Variants in ORC2 observed in about 807,000 individuals in gnomAD.
ORC2 encodes origin recognition complex protein 2 homolog.
ORC2 carries 37 observed loss-of-function variants against 77.7 expected under a neutral mutation model. That is an observed-to-expected ratio of 0.48 (90% confidence interval 0.37 to 0.63). ORC2 has a LOEUF of 0.63. ORC2 is among the 20% of genes least tolerant of loss of function. The pLI, the probability that ORC2 is intolerant of heterozygous loss-of-function variation, is 0.00. For missense variants in ORC2, 557 were observed against 661.9 expected (o/e 0.84, Z 1.74); for synonymous variants, 201 against 229.5 (o/e 0.88, Z 1.12).
chr2:200,948,765 T>C (rs1029399678), intron 5 of ORC2, among the ~76,000 whole-genome samples: 1 of 151,984 alleles, frequency 6.6e-6, no homozygotes, highest in African/African-American at 2.4e-5. Flanking sequence ...GGTTTTACCA[T>C]GTTAGCCAGG....
intron 4 of ORC2, among the ~76,000 whole-genome samples, chr2:200,950,573 G>C (rs898765765): frequency 6.6e-6 from 1 of 152,210 alleles, no homozygotes; most frequent in Non-Finnish European, 1.5e-5. Context: ...AGGTATGCCA[G>C]AGACGACATG....
intron 4 of ORC2, among the ~76,000 whole-genome samples, chr2:200,954,800 G>T (rs1171304434): frequency 6.6e-6 from 1 of 151,972 alleles, no homozygotes; most frequent in Non-Finnish European, 1.5e-5. Flanking sequence ...GTCTAAAAAG[G>T]CTAATTAGGG....
intron 6 of ORC2, among the ~76,000 whole-genome samples, chr2:200,941,812 C>T (rs936772690): frequency 6.6e-6 from 1 of 152,078 alleles, no homozygotes; most frequent in Non-Finnish European, 1.5e-5. Flanking sequence ...CAGGGTGAAA[C>T]CCCATTTCTA....
rs2041489611 is a variant in ORC2 at position 200,957,464 on chromosome 2, C to T, written c.175G>A (p.Glu59Lys). 1 of 1,611,104 alleles carries T rather than the reference C, an allele frequency of 6.2e-7. No homozygotes were observed. Residue 59 changes from glutamate (E) to lysine (K), a missense_variant, in exon 4 of 18, where the codon GAA (glutamate) becomes AAA (lysine). Coordinates refer to ENST00000234296, the MANE Select transcript of ORC2 (RefSeq NM_006190.5). ...TCTTTTAAGACCTCCTGGTCATCTT[C>T]CTCCAAATCATATTCTGGCTTCTTT... ...IIKKPEYDLE[E>K]DDQEVLKDQN...
chr2:200,913,277 AC>A lies in ORC2; in HGVS notation c.1647+17del. ...CGGACTATTCCTGGCATACAATGCT[AC>A]AATAGTGGAGTCTTACCTTCTTTGT... On this transcript the variant is annotated intron_variant, in intron 17 of 17. Transcript: ENST00000234296. 6.4e-7 allele frequency: 1 copy of A among 1,552,684 alleles called. No individual in the cohort carries two copies. Among genetic ancestry groups the A allele is most frequent in the South Asian group, 1.1e-5 (1 of 88,892 alleles).
intron 12 of ORC2, 129 bp from the exon 13 acceptor site, chr2:200,926,061 T>A: frequency 5.0e-6 from 2 of 400,320 alleles, no homozygotes; most frequent in African/African-American, 2.0e-5. Flanking sequence ...AAATAACTTT[T>A]AAAAATTCTA....
chr2:200,928,425 A>C (rs2124966638), intron 11 of ORC2, among the ~76,000 whole-genome samples: 1 of 152,298 alleles, frequency 6.6e-6, no homozygotes, highest in Middle Eastern at 3.4e-3. Flanking sequence ...CTGTATACCA[A>C]GCTTCTAGTT....
intron 10 of ORC2, among the ~76,000 whole-genome samples, chr2:200,932,174 A>T (rs1338343862): frequency 2.0e-5 from 3 of 151,902 alleles, no homozygotes; most frequent in African/African-American, 7.3e-5. Flanking sequence ...TAGGTAGTTA[A>T]AAAAAAACAA....
intron 4 of ORC2, among the ~76,000 whole-genome samples, chr2:200,953,024 A>T (rs1440209851): frequency 6.7e-6 from 1 of 150,130 alleles, no homozygotes; most frequent in Non-Finnish European, 1.5e-5. Flanking sequence ...AGGTGGGAGG[A>T]TCACCTGAGC....
At chr2:200,930,864 ATAATGT>A (rs2040927307) in intron 11 of ORC2, among the ~76,000 whole-genome samples, 2 of 152,340 alleles carry the variant, frequency 1.3e-5, no homozygotes, top group South Asian at 2.1e-4. Flanking sequence ...ATTCTAGGAA[ATAATGT>A]TAAAATAGTA....
intron 15 of ORC2, among the ~76,000 whole-genome samples, chr2:200,915,531 A>G (rs2040632658): frequency 6.6e-6 from 1 of 152,202 alleles, no homozygotes; most frequent in Non-Finnish European, 1.5e-5. Flanking sequence ...GAATTATTCC[A>G]TGGAAGAGTG....
chr2:200,942,449 G>C (rs1487227986), intron 6 of ORC2, among the ~76,000 whole-genome samples: 1 of 152,056 alleles, frequency 6.6e-6, no homozygotes, highest in Non-Finnish European at 1.5e-5. Flanking sequence ...GACTATTTCT[G>C]GTTAACCCTG....
At chr2:200,914,165 CT>C (rs1158874227) in intron 15 of ORC2, among the ~76,000 whole-genome samples, 173 bp from the exon 16 acceptor site, 3,705 of 134,786 alleles carry the variant, frequency 0.027, 93 homozygotes, top group African/African-American at 0.093. Flanking sequence ...TTTCTAATTT[CT>C]TTTTTTTTTT....
chr2:200,961,636 T>C (rs1481057835), intron 1 of ORC2, among the ~76,000 whole-genome samples: 1 of 152,246 alleles, frequency 6.6e-6, no homozygotes, highest in Non-Finnish European at 1.5e-5. Context: ...TCAAAGAGCA[T>C]GGCCAGAGTC....
At position 200,937,956 on chromosome 2, in the gene ORC2, T is replaced by C; in HGVS notation, c.464A>G (p.Lys155Arg). 3 of 1,596,156 alleles carry C rather than the reference T, an allele frequency of 1.9e-6. No individual in the cohort carries two copies. The highest frequency in any genetic ancestry group is 1.7e-6 in the Non-Finnish European group (2 of 1,165,378). Reference protein sequence around the residue: ...SDKVQPKNNDKSEFLSTAPRS... With the variant: ...SDKVQPKNNDRSEFLSTAPRS... ...AGGTGCTGTTGACAGAAATTCACTT[T>C]TGTCATTGTTCTGTTTAGAAATAGA... The change falls in exon 8 of 18, where the codon AAA becomes AGA. Residue 155 changes from lysine to arginine, a missense_variant. Transcript: ENST00000234296.
rs16836132 is a variant in ORC2 at position 200,941,752 on chromosome 2, C to A, written c.422-473G>T. ...CCGTAATCCCAGCACTTTGGGAGGC[C>A]AAGGCAGGAGGATCGCTTGAGGTCA... On this transcript the variant is annotated intron_variant, in intron 6 of 17. Transcript: ENST00000234296. 2.3e-3 allele frequency among the ~76,000 whole-genome samples: 355 copies of A among 152,110 alleles called. 2 individuals carry two copies. Among genetic ancestry groups the A allele is most frequent in the African/African-American group, 8.3e-3 (345 of 41,504 alleles).
chr2:200,955,803 G>A (rs910836907), intron 4 of ORC2, among the ~76,000 whole-genome samples: 1 of 152,078 alleles, frequency 6.6e-6, no homozygotes, highest in Non-Finnish European at 1.5e-5. Context: ...ATTTTTTTAA[G>A]CTAGGTTGTG....
At chr2:200,939,197 T>C (rs1315620837) in intron 7 of ORC2, among the ~76,000 whole-genome samples, 2 of 152,104 alleles carry the variant, frequency 1.3e-5, no homozygotes, top group Non-Finnish European at 2.9e-5. Context: ...CTAAAAAAAA[T>C]TATAAAACAG....
chr2:200,914,012 G>T lies in ORC2; in HGVS notation c.1467-20C>A. On this transcript the variant is annotated intron_variant, in intron 15 of 17. Coordinates refer to ENST00000234296, the MANE Select transcript of ORC2 (RefSeq NM_006190.5). ...ATTCCCCTAAAAAAAAAAAAAAACA[G>T]GAATTTAAATCCAAAAATGTTAACA... The T allele has an allele frequency of 8.4e-7, 1 of 1,197,032 alleles. No homozygotes were observed. Among genetic ancestry groups the T allele is most frequent in the South Asian group, 1.4e-5 (1 of 73,858 alleles). The allele number at this position is 1,197,032 out of a possible 1,614,324, so 74.2% of individuals were successfully genotyped here.
Sources: allele counts gnomAD v4.1 joint callset (sites outside exome capture counted in the v4.1 genomes callset), GRCh38; gene constraint gnomAD v4.1.1; transcripts MANE v1.5; gene names NCBI Gene and HGNC (gene_info 2026-07-23, HGNC 2026-07-21).